Variants in SPRYD7 observed in about 807,000 individuals in gnomAD.
SPRYD7 encodes the protein SPRY domain-containing protein 7.
SPRYD7 carries 14 observed loss-of-function variants against 23.8 expected under a neutral mutation model. The ratio of observed to expected loss-of-function variants is 0.59; its 90% confidence interval spans 0.39 to 0.92. SPRYD7 has a LOEUF of 0.92. Ranked by LOEUF, SPRYD7 falls within the 40% of genes least tolerant of loss-of-function variation. SPRYD7 has a pLI of 0.00. For synonymous variants in SPRYD7, 75 were observed against 84.9 expected (o/e 0.88, Z 0.64); for missense variants, 194 against 241.7 (o/e 0.80, Z 1.31).
At chr13:49,915,979 T>C (rs528819493) in intron 4 of SPRYD7, among the ~76,000 whole-genome samples, 2 of 152,276 alleles carry the variant, frequency 1.3e-5, no homozygotes, top group South Asian at 2.1e-4. Context: ...TATAATACTC[T>C]AGAAAATATG....
chr13:49,920,822 G>A (rs1011893688), intron 4 of SPRYD7, among the ~76,000 whole-genome samples: 7 of 152,026 alleles, frequency 4.6e-5, no homozygotes, highest in African/African-American at 1.4e-4. Context: ...GTAGCCAGGC[G>A]TGGTGGCAGG....
chr13:49,936,322 G>C lies in SPRYD7; in HGVS notation c.-87C>G. The stretch of plus-strand genomic sequence containing the variant: ...TCAGCTCCGTCTCCTGCCCCCGCCC[G>C]AGGTCCGGACTTGTCTATGTGGAGC... On this transcript the variant is annotated 5_prime_UTR_variant, in exon 1 of 5. Transcript: ENST00000361840. The C allele has an allele frequency of 4.1e-6, 4 of 969,906 alleles. No individual in the cohort carries two copies. The highest frequency in any genetic ancestry group is 6.0e-6 in the Non-Finnish European group (4 of 666,414). The allele number at this position is 969,906 out of a possible 1,614,324, so 60.1% of individuals were successfully genotyped here.
At position 49,928,805 on chromosome 13, in the gene SPRYD7, C is replaced by T. The variant is rs141644617; in HGVS notation, c.224-720G>A. Among the ~76,000 whole-genome samples, 404 of 152,290 alleles carry T rather than the reference C, an allele frequency of 2.7e-3. 5 individuals are homozygous for T. Among genetic ancestry groups the T allele is most frequent in the African/African-American group, 9.4e-3 (392 of 41,564 alleles). ...TCTCAAAAAGATTTTTTAAAAGCTA[C>T]ACATTGAATTTAAATGGCCTGGAGT... On this transcript the variant is annotated intron_variant, in intron 2 of 4. Coordinates refer to ENST00000361840, the MANE Select transcript of SPRYD7 (RefSeq NM_020456.4).
intron 3 of SPRYD7, among the ~76,000 whole-genome samples, chr13:49,926,605 T>C (rs1955884789): frequency 1.3e-5 from 2 of 152,200 alleles, no homozygotes; most frequent in Admixed American, 6.5e-5. Context: ...CTTACAGTTG[T>C]TCATATTTTT....
chr13:49,930,257 C>A (rs577620548), intron 2 of SPRYD7, among the ~76,000 whole-genome samples: 5 of 152,182 alleles, frequency 3.3e-5, no homozygotes, highest in Admixed American at 1.3e-4. Flanking sequence ...AATTTGATGA[C>A]TGCTTCAAAA....
chr13:49,928,686 C>A (rs1692865142), intron 2 of SPRYD7, among the ~76,000 whole-genome samples: 1 of 152,186 alleles, frequency 6.6e-6, no homozygotes, highest in South Asian at 2.1e-4. Context: ...CCAAGTAAAG[C>A]ACTTGAACAG....
chr13:49,936,053 T>G, intron 1 of SPRYD7, 77 bp downstream of exon 1: 3 of 702,996 alleles, frequency 4.3e-6, no homozygotes, highest in African/African-American at 1.9e-5. Context: ...GTGGGGACCC[T>G]CTGACCCTGA....
chr13:49,915,156 A>G lies in SPRYD7; in HGVS notation c.498T>C (p.Asp166=). 1 of 1,533,196 alleles carries G rather than the reference A, an allele frequency of 6.5e-7. No individual in the cohort carries two copies. Among genetic ancestry groups the G allele is most frequent in the Non-Finnish European group, 8.9e-7 (1 of 1,123,764 alleles). 95.0% of individuals were successfully genotyped at this position (1,533,196 alleles called of 1,614,324 possible). Residue 166 remains aspartate (D), a synonymous_variant, in exon 5 of 5, where the codon GAT becomes GAC. Coordinates refer to ENST00000361840, the MANE Select transcript of SPRYD7 (RefSeq NM_020456.4). ...RGTVYPVVYV[D]DSAILDCQFS... is the part of the protein sequence containing the mutation. Reference sequence around the variant, plus strand: ...ACTGGCAATCCAAAATTGCACTGTCATCAACTAAAGGATACAAAAAGAAAG... The same window carrying G: ...ACTGGCAATCCAAAATTGCACTGTCGTCAACTAAAGGATACAAAAAGAAAG...
chr13:49,920,160 A>C (rs1408405517), intron 4 of SPRYD7, among the ~76,000 whole-genome samples: 1 of 152,052 alleles, frequency 6.6e-6, no homozygotes, highest in East Asian at 1.9e-4. Context: ...CTGAGGTGGG[A>C]GGATTGCTTG....
chr13:49,930,200 A>C (rs1955931468), intron 2 of SPRYD7, among the ~76,000 whole-genome samples: 1 of 152,192 alleles, frequency 6.6e-6, no homozygotes, highest in South Asian at 2.1e-4. Flanking sequence ...AAACTCCATA[A>C]ATTTTAAAAA....
intron 2 of SPRYD7, among the ~76,000 whole-genome samples, chr13:49,929,745 C>T (rs997235569): frequency 7.9e-5 from 12 of 151,548 alleles, no homozygotes; most frequent in Middle Eastern, 6.8e-3. Context: ...TCCACCCCCT[C>T]GGCCTCCCAA....
At position 49,936,317 on chromosome 13, in the gene SPRYD7, C is replaced by G. The variant is rs1001871480; in HGVS notation, c.-82G>C. 3.0e-6 allele frequency: 3 copies of G among 1,012,192 alleles called. No individual in the cohort carries two copies. The highest frequency in any genetic ancestry group is 5.0e-5 in the Admixed American group (2 of 39,752). 62.7% of individuals were successfully genotyped at this position (1,012,192 alleles called of 1,614,324 possible). ...GCCGCTCAGCTCCGTCTCCTGCCCCCGCCCGAGGTCCGGACTTGTCTATGT... is the reference window on the plus strand; with the variant it reads ...GCCGCTCAGCTCCGTCTCCTGCCCCGGCCCGAGGTCCGGACTTGTCTATGT... On this transcript the variant is annotated 5_prime_UTR_variant, in exon 1 of 5. Coordinates refer to ENST00000361840, the MANE Select transcript of SPRYD7 (RefSeq NM_020456.4).
chr13:49,923,215 C>T (rs964792164), intron 3 of SPRYD7, among the ~76,000 whole-genome samples: 1 of 151,934 alleles, frequency 6.6e-6, no homozygotes. Flanking sequence ...CTTTCATCCC[C>T]CAGTGGCCGA....
Position 49,936,285 on chromosome 13 carries a change from G to T in SPRYD7, c.-50C>A. ...GCCGTCCCTAGACCGAGGCGACACT[G>T]CCCCCCGCCGCTCAGCTCCGTCTCC... is the stretch of plus-strand genomic sequence containing the variant. On this transcript the variant is annotated 5_prime_UTR_variant, in exon 1 of 5. Transcript: ENST00000361840. 1 of 1,346,486 alleles carries T rather than the reference G, an allele frequency of 7.4e-7. No individual in the cohort carries two copies. The highest frequency in any genetic ancestry group is 1.0e-6 in the Non-Finnish European group (1 of 979,514). 83.4% of individuals were successfully genotyped at this position (1,346,486 alleles called of 1,614,324 possible).
intron 2 of SPRYD7, among the ~76,000 whole-genome samples, chr13:49,929,590 G>T (rs1234072145): frequency 6.6e-6 from 1 of 152,008 alleles, no homozygotes; most frequent in African/African-American, 2.4e-5. Flanking sequence ...CTTCTTCCTG[G>T]GTTCAAGCGA....
At chr13:49,929,805 T>C (rs1025242589) in intron 2 of SPRYD7, among the ~76,000 whole-genome samples, 4 of 151,114 alleles carry the variant, frequency 2.6e-5, no homozygotes, top group African/African-American at 9.7e-5. Context: ...TTTTTTTTTT[T>C]TTGAGACGGA....
intron 4 of SPRYD7, among the ~76,000 whole-genome samples, 183 bp downstream of exon 4, chr13:49,921,295 C>T (rs1044961995): frequency 1.3e-5 from 2 of 152,268 alleles, no homozygotes; most frequent in Non-Finnish European, 1.5e-5. Context: ...CTTCCCCTTC[C>T]GCCATGATTG....
chr13:49,921,265 T>C (rs781314402), intron 4 of SPRYD7, among the ~76,000 whole-genome samples: 27 of 152,170 alleles, frequency 1.8e-4, no homozygotes, highest in South Asian at 4.1e-4. Flanking sequence ...CCTATTGCCA[T>C]GTGAAGAAGG....
intron 2 of SPRYD7, among the ~76,000 whole-genome samples, chr13:49,928,769 CATTATT>C (rs1171722171): frequency 6.6e-6 from 1 of 152,168 alleles, no homozygotes; most frequent in African/African-American, 2.4e-5. Context: ...TCATCATCAT[CATTATT>C]ATTATCTCAA....
Sources: gnomAD v4.1 joint callset for allele counts (sites outside exome capture counted in the v4.1 genomes callset) on GRCh38, gnomAD v4.1.1 for gene constraint, MANE v1.5 for transcripts, NCBI Gene and HGNC (gene_info 2026-07-23, HGNC 2026-07-21) for gene names.